The following FAM78B variants were observed in gnomAD, a reference collection of about 807,000 sequenced individuals.
FAM78B encodes the protein protein FAM78B.
A neutral mutation model predicts 20.0 loss-of-function variants in FAM78B; 10 were observed. The observed-to-expected ratio is 0.50, with a 90% CI of 0.31 to 0.85. The LOEUF (loss-of-function observed/expected upper bound fraction) is 0.85. Ranked by LOEUF, FAM78B falls within the 40% of genes least tolerant of loss-of-function variation. The pLI is 0.05. For synonymous variants in FAM78B, 135 were observed against 132.8 expected, an observed-to-expected ratio of 1.02 and a Z score of -0.12; for missense variants, 283 against 345.0, an observed-to-expected ratio of 0.82 and a Z score of 1.42.
intron 1 of FAM78B, among the ~76,000 whole-genome samples, chr1:166,126,854 C>T (rs1654664220): frequency 6.6e-6 from 1 of 152,260 alleles, no homozygotes. Flanking sequence ...TGGGAATGCA[C>T]CCAGGTGGTC....
intron 1 of FAM78B, among the ~76,000 whole-genome samples, chr1:166,124,964 A>C (rs1210237897): frequency 6.6e-6 from 1 of 152,176 alleles, no homozygotes; most frequent in East Asian, 1.9e-4. Flanking sequence ...CACCTCTGAG[A>C]AATGTCTCTT....
downstream of FAM78B, among the ~76,000 whole-genome samples, chr1:166,056,279 C>G (rs187734456): frequency 1.3e-5 from 2 of 148,642 alleles, no homozygotes; most frequent in Non-Finnish European, 3.0e-5. Flanking sequence ...TGTGTGTGTG[C>G]GTGTGTAGAG....
At position 166,070,593 on chromosome 1, in the gene FAM78B, C is replaced by G; in HGVS notation, c.434G>C (p.Ser145Thr). The change falls in exon 2 of 2, where the codon AGT becomes ACT. Residue 145 changes from serine (S) to threonine (T), a missense_variant. Transcript: ENST00000354422. ...SVSMNDNFYPSVTWAVPVSDS... is the reference protein window; with the variant it reads ...SVSMNDNFYPTVTWAVPVSDS... ...ACTCACAGGCACTGCCCATGTCACACTGGGGTAGAAGTTGTCATTCATGCT... is the reference window on the plus strand; with the variant it reads ...ACTCACAGGCACTGCCCATGTCACAGTGGGGTAGAAGTTGTCATTCATGCT... 2 of 1,613,726 alleles carry G rather than the reference C, an allele frequency of 1.2e-6. No individual in the cohort carries two copies. The highest frequency in any genetic ancestry group is 1.7e-6 in the Non-Finnish European group (2 of 1,179,960).
downstream of FAM78B, chr1:166,057,370 G>A (rs1651390276): frequency 1.3e-5 from 2 of 152,212 alleles, no homozygotes; most frequent in Non-Finnish European, 2.9e-5. Flanking sequence ...CCATCCCCAG[G>A]TTTTGTAGAA....
chr1:166,109,846 A>ATATATATATG (rs1653946513), intron 1 of FAM78B, among the ~76,000 whole-genome samples: 3 of 25,842 alleles, frequency 1.2e-4, no homozygotes, highest in Admixed American at 5.1e-4. Context: ...ATATGTATAT[A>ATATATATATG]TATATATATA....
intron 1 of FAM78B, among the ~76,000 whole-genome samples, chr1:166,072,926 T>C (rs941449544): frequency 1.3e-5 from 2 of 152,216 alleles, no homozygotes; most frequent in Admixed American, 1.3e-4. Flanking sequence ...TCTCATATTT[T>C]TGCCTCCCAT....
intron 1 of FAM78B, among the ~76,000 whole-genome samples, chr1:166,090,553 G>T (rs1390108272): frequency 6.6e-6 from 1 of 151,576 alleles, no homozygotes; most frequent in African/African-American, 2.4e-5. Flanking sequence ...TAACCCCTTT[G>T]AAGGGAATGC....
intron 2 of FAM78B, chr1:166,060,777 G>C: frequency 1.8e-6 from 1 of 545,986 alleles, no homozygotes; most frequent in Admixed American, 4.5e-5. Context: ...TAGATTTCAA[G>C]GGGAGATGAC....
chr1:166,140,472 G>C (rs747136954), intron 1 of FAM78B, among the ~76,000 whole-genome samples: 1 of 152,222 alleles, frequency 6.6e-6, no homozygotes, highest in African/African-American at 2.4e-5. Context: ...TTCAGGAAAC[G>C]ATAGTTAGGA....
chr1:166,148,943 T>C (rs1200546736), intron 1 of FAM78B, among the ~76,000 whole-genome samples: 1 of 152,222 alleles, frequency 6.6e-6, no homozygotes, highest in Non-Finnish European at 1.5e-5. Flanking sequence ...TGATTTCCAA[T>C]TTCATCCTTG....
intron 1 of FAM78B, among the ~76,000 whole-genome samples, chr1:166,141,437 G>GACT (rs1189376076): frequency 6.6e-6 from 1 of 152,192 alleles, no homozygotes; most frequent in Non-Finnish European, 1.5e-5. Flanking sequence ...AAACAGTTTG[G>GACT]ACTACTACTT....
chr1:166,126,558 G>A (rs1250074289), intron 1 of FAM78B, among the ~76,000 whole-genome samples: 2 of 152,106 alleles, frequency 1.3e-5, no homozygotes, highest in African/African-American at 2.4e-5. Context: ...ATCTGGGGGA[G>A]GGGCATTCTG....
rs1653345212 is a variant in FAM78B at position 166,097,784 on chromosome 1, C to T, written c.264-27021G>A. On this transcript the variant is annotated intron_variant, in intron 1 of 1. Transcript: ENST00000354422. ...CCCAGCCCCGCCCCCACCTGATGGT[C>T]CTTCCCTACACACCCTGGTAACAGA... Among the ~76,000 whole-genome samples the T allele has an allele frequency of 2.0e-5, 3 of 151,998 alleles. No individual in the cohort carries two copies. The South Asian group carries it at 6.2e-4, about 32-fold the overall frequency.
chr1:166,144,692 G>C (rs1042053822), intron 1 of FAM78B, among the ~76,000 whole-genome samples: 1 of 152,084 alleles, frequency 6.6e-6, no homozygotes, highest in African/African-American at 2.4e-5. Flanking sequence ...TCAAACCTCA[G>C]CTATTTTCTC....
intron 1 of FAM78B, among the ~76,000 whole-genome samples, chr1:166,094,003 C>CTGTGTGTGTG (rs58213930): frequency 0.013 from 1,572 of 125,418 alleles, 27 homozygotes; most frequent in African/African-American, 0.022. Context: ...TTGCGAATGA[C>CTGTGTGTGTG]TGTGTGTGTG....
intron 1 of FAM78B, among the ~76,000 whole-genome samples, chr1:166,138,706 G>C (rs780081932): frequency 2.9e-4 from 44 of 152,210 alleles, no homozygotes; most frequent in Non-Finnish European, 5.3e-4. Context: ...AGCTCGTTTT[G>C]AGGGTCCAAG....
chr1:166,165,899 T>C (rs1445861515), intron 1 of FAM78B, 87 bp downstream of exon 1: 2 of 1,482,396 alleles, frequency 1.3e-6, no homozygotes, highest in African/African-American at 1.4e-5. Flanking sequence ...GGGACAGCAG[T>C]AGGAAGGAGC....
At chr1:166,078,228 C>T (rs921043242) in intron 1 of FAM78B, among the ~76,000 whole-genome samples, 7 of 151,876 alleles carry the variant, frequency 4.6e-5, no homozygotes, top group Admixed American at 3.9e-4. Flanking sequence ...GACAGGGTTT[C>T]ACCATGTTAG....
intron 1 of FAM78B, among the ~76,000 whole-genome samples, chr1:166,123,147 G>T (rs939330884): frequency 2.6e-5 from 4 of 152,236 alleles, no homozygotes; most frequent in Non-Finnish European, 1.5e-5. Context: ...GGCTTTGGTT[G>T]CAAGTGGAGA....
Sources: allele counts gnomAD v4.1 joint callset (sites outside exome capture counted in the v4.1 genomes callset), GRCh38; gene constraint gnomAD v4.1.1; transcripts MANE v1.5; gene names NCBI Gene and HGNC (gene_info 2026-07-23, HGNC 2026-07-21).